The following ANXA10 variants were observed in gnomAD, a reference collection of about 807,000 sequenced individuals.
The protein encoded by ANXA10 is annexin A10.
In ANXA10, 49 loss-of-function variants were observed where a neutral mutation model predicts 53.5. The observed-to-expected ratio is 0.92, with a 90% CI of 0.73 to 1.16. The LOEUF is 1.16. Ranked by LOEUF, ANXA10 falls within the 50% of genes most tolerant of loss-of-function variation. The pLI is 0.00. For missense variants in ANXA10, 393 were observed against 394.4 expected, an observed-to-expected ratio of 1.00 and a Z score of 0.03; for synonymous variants, 131 against 128.9, an observed-to-expected ratio of 1.02 and a Z score of -0.11.
chr4:168,167,220 C>T (rs1269011383), intron 6 of ANXA10, among the ~76,000 whole-genome samples: 1 of 152,158 alleles, frequency 6.6e-6, no homozygotes, highest in Non-Finnish European at 1.5e-5. Flanking sequence ...AGACAGTCCT[C>T]AGTCCCTGAA....
intron 1 of ANXA10, among the ~76,000 whole-genome samples, chr4:168,103,064 G>T (rs1730666348): frequency 6.6e-6 from 1 of 151,754 alleles, no homozygotes; most frequent in African/African-American, 2.4e-5. Flanking sequence ...ACATATTCTG[G>T]ATTAAACGTT....
chr4:168,148,934 C>T (rs932812430), intron 3 of ANXA10, among the ~76,000 whole-genome samples: 1 of 151,966 alleles, frequency 6.6e-6, no homozygotes, highest in African/African-American at 2.4e-5. Context: ...TTATTTTCCC[C>T]TACATCTTTG....
At chr4:168,156,123 T>TATTATATATAATATTTA (rs1560784332) in intron 3 of ANXA10, among the ~76,000 whole-genome samples, 11 of 56,904 alleles carry the variant, frequency 1.9e-4, no homozygotes, top group African/African-American at 8.7e-4. Flanking sequence ...TTTATTTATA[T>TATTATATATAATATTTA]TTATATATAT....
intron 3 of ANXA10, among the ~76,000 whole-genome samples, chr4:168,146,708 CAAG>C (rs1044727285): frequency 6.6e-6 from 1 of 152,124 alleles, no homozygotes; most frequent in African/African-American, 2.4e-5. Context: ...TGGACAGCTG[CAAG>C]AAGGACACAA....
intron 1 of ANXA10, among the ~76,000 whole-genome samples, chr4:168,116,092 A>T (rs1307322406): frequency 6.6e-6 from 1 of 152,196 alleles, no homozygotes; most frequent in African/African-American, 2.4e-5. Context: ...AAATGCAAAA[A>T]AAATGGAATG....
At chr4:168,153,437 A>C (rs1249365831) in intron 3 of ANXA10, among the ~76,000 whole-genome samples, 623 of 53,304 alleles carry the variant, frequency 0.012, 22 homozygotes, top group African/African-American at 0.039. Context: ...AAAAAAAAAA[A>C]AAAACAAAAA....
At chr4:168,186,198 C>T (rs1053257558) in intron 11 of ANXA10, among the ~76,000 whole-genome samples, 17 of 152,088 alleles carry the variant, frequency 1.1e-4, no homozygotes, top group African/African-American at 3.9e-4. Flanking sequence ...GCCAAAGCAC[C>T]TTAATATGAA....
chr4:168,140,909 T>C (rs1395382832), intron 3 of ANXA10, among the ~76,000 whole-genome samples: 1 of 152,240 alleles, frequency 6.6e-6, no homozygotes, highest in Non-Finnish European at 1.5e-5. Flanking sequence ...CGTGAGCCAC[T>C]GTGCCCAGAG....
At chr4:168,166,506 C>A in intron 6 of ANXA10, among the ~76,000 whole-genome samples, 1 of 151,990 alleles carries the variant, frequency 6.6e-6, no homozygotes. Flanking sequence ...AACAAAGGCA[C>A]TCAGGAATGC....
intron 6 of ANXA10, among the ~76,000 whole-genome samples, chr4:168,174,850 CA>C (rs1448849496): frequency 2.0e-5 from 3 of 152,108 alleles, no homozygotes; most frequent in Non-Finnish European, 4.4e-5. Context: ...ATTGAATTTT[CA>C]ACATGCTAAA....
rs756975000 is a variant in ANXA10 at position 168,177,903 on chromosome 4, C to G, written c.548C>G (p.Ala183Gly). The G allele has an allele frequency of 4.3e-6, 7 of 1,614,094 alleles. No individual in the cohort carries two copies. In the Admixed American group the frequency reaches 1.0e-4, roughly 23 times the overall value. Residue 183 changes from alanine (A) to glycine (G), a missense_variant, in exon 8 of 12, where the codon GCC becomes GGC. Ala to Gly is a moderately conservative substitution (Grantham distance 60). Coordinates refer to ENST00000359299, the MANE Select transcript of ANXA10 (RefSeq NM_007193.5). ...CTAATGTTCCAGGTCCTATGGGAAG[C>G]CTGTCAGCAGAAGACGGGGGAGCAC... ...AAQDAMVLWE[A>G]CQQKTGEHKT...
intron 3 of ANXA10, among the ~76,000 whole-genome samples, chr4:168,147,972 T>C (rs1481587820): frequency 1.3e-5 from 2 of 152,186 alleles, no homozygotes; most frequent in African/African-American, 4.8e-5. Flanking sequence ...TCCTGTACAG[T>C]GGCTGTGCAC....
At chr4:168,179,854 T>C (rs1373131968) in intron 9 of ANXA10, among the ~76,000 whole-genome samples, 1 of 152,156 alleles carries the variant, frequency 6.6e-6, no homozygotes, top group African/African-American at 2.4e-5. Context: ...TATCCCTCCA[T>C]AGAGGACAAA....
At chr4:168,146,639 C>T (rs146038219) in intron 3 of ANXA10, among the ~76,000 whole-genome samples, 54 of 152,270 alleles carry the variant, frequency 3.5e-4, no homozygotes, top group African/African-American at 1.1e-3. Context: ...ATCTGAGCAA[C>T]GCAGGCTGGA....
At chr4:168,184,748 CTCAT>C in intron 11 of ANXA10, 67 bp downstream of exon 11, 1 of 1,584,170 alleles carries the variant, frequency 6.3e-7, no homozygotes, top group East Asian at 2.3e-5. Context: ...GATAAAAGTT[CTCAT>C]TCAAATAACT....
chr4:168,094,149 CAT>C lies in ANXA10; in HGVS notation c.18+1434_18+1435del, dbSNP rs949552885. Among the ~76,000 whole-genome samples the C allele has an allele frequency of 2.5e-4, 38 of 152,044 alleles. No individual in the cohort carries two copies. In the Middle Eastern group the frequency reaches 0.014, roughly 55 times the overall value. ...TTATATGCCCATTTTTCAAAAGAAA[CAT>C]ATTTTATAGAATATTTAAATTATAT... On this transcript the variant is annotated intron_variant, in intron 1 of 11. Transcript: ENST00000359299.
At chr4:168,184,804 A>T in intron 11 of ANXA10, 123 bp downstream of exon 11, 1 of 1,332,692 alleles carries the variant, frequency 7.5e-7, no homozygotes, top group Non-Finnish European at 1.0e-6. Flanking sequence ...GACAGGGATA[A>T]CCTAGTTTTT....
intron 1 of ANXA10, among the ~76,000 whole-genome samples, chr4:168,104,287 C>T (rs924022244): frequency 6.6e-6 from 1 of 151,824 alleles, no homozygotes; most frequent in African/African-American, 2.4e-5. Flanking sequence ...TATATTAGTA[C>T]ATTGAATTTT....
At chr4:168,158,913 A>G (rs556228321) in intron 3 of ANXA10, among the ~76,000 whole-genome samples, 206 of 152,250 alleles carry the variant, frequency 1.4e-3, no homozygotes, top group African/African-American at 4.8e-3. Flanking sequence ...AGCTCTTTCC[A>G]TGAGTAATAT....
Sources: allele counts gnomAD v4.1 joint callset (sites outside exome capture counted in the v4.1 genomes callset), GRCh38; gene constraint gnomAD v4.1.1; transcripts MANE v1.5; gene names NCBI Gene and HGNC (gene_info 2026-07-23, HGNC 2026-07-21).